The following PLCXD2 variants were observed in gnomAD, a reference collection of about 807,000 sequenced individuals.
The protein encoded by PLCXD2 is phosphatidylinositol specific phospholipase C X domain containing 2.
In PLCXD2, 21 loss-of-function variants were observed where a neutral mutation model predicts 28.6. The ratio of observed to expected loss-of-function variants is 0.73; its 90% CI spans 0.52 to 1.06. The LOEUF (loss-of-function observed/expected upper bound fraction) is 1.06. Among genes scored for constraint, PLCXD2 ranks in the 50% least tolerant of loss-of-function variants. PLCXD2 has a pLI of 0.00. For missense variants in PLCXD2, 369 were observed against 376.7 expected (o/e 0.98, Z 0.17); for synonymous variants, 140 against 150.1 (o/e 0.93, Z 0.49).
intron 1 of PLCXD2, among the ~76,000 whole-genome samples, chr3:111,682,442 T>C (rs1940731536): frequency 6.6e-6 from 1 of 152,228 alleles, no homozygotes; most frequent in African/African-American, 2.4e-5. Flanking sequence ...ACTCTAGAAC[T>C]GTCAGCTGTA....
intron 1 of PLCXD2, among the ~76,000 whole-genome samples, chr3:111,700,203 G>C (rs951846197): frequency 5.3e-5 from 8 of 152,162 alleles, no homozygotes; most frequent in African/African-American, 1.9e-4. Flanking sequence ...ATCTAAGGTT[G>C]AGGATCACCA....
At chr3:111,707,498 T>C (rs1339119968) in intron 1 of PLCXD2, among the ~76,000 whole-genome samples, 1 of 152,200 alleles carries the variant, frequency 6.6e-6, no homozygotes, top group Non-Finnish European at 1.5e-5. Context: ...ACTTAAGCAT[T>C]ATCTCCAGTT....
chr3:111,718,216 G>A (rs559370237), intron 3 of PLCXD2, among the ~76,000 whole-genome samples: 1 of 152,260 alleles, frequency 6.6e-6, no homozygotes, highest in South Asian at 2.1e-4. Flanking sequence ...TGTAATCCCA[G>A]TACTTTGGGA....
chr3:111,695,793 G>C (rs1940952736), intron 1 of PLCXD2, among the ~76,000 whole-genome samples: 1 of 152,234 alleles, frequency 6.6e-6, no homozygotes, highest in African/African-American at 2.4e-5. Context: ...TCCTGGGCTG[G>C]AAGGCCTGTG....
At chr3:111,724,460 T>G (rs1196436552) in intron 3 of PLCXD2, 1 of 152,196 alleles carries the variant, frequency 6.6e-6, no homozygotes, top group African/African-American at 2.4e-5. Flanking sequence ...TTGTTTCTTC[T>G]CAATAAGACA....
At chr3:111,716,344 C>T (rs1465790863) in intron 3 of PLCXD2, among the ~76,000 whole-genome samples, 1 of 152,076 alleles carries the variant, frequency 6.6e-6, no homozygotes, top group Non-Finnish European at 1.5e-5. Flanking sequence ...TGGTGGTCAG[C>T]TCAAACCAAG....
At chr3:111,691,666 A>G (rs1037103069) in intron 1 of PLCXD2, among the ~76,000 whole-genome samples, 2 of 152,240 alleles carry the variant, frequency 1.3e-5, no homozygotes, top group African/African-American at 4.8e-5. Context: ...TGACTTGTTT[A>G]ATCAATAAGG....
intron 3 of PLCXD2, chr3:111,725,488 C>T (rs995624511): frequency 1.1e-4 from 44 of 396,686 alleles, no homozygotes; most frequent in African/African-American, 1.0e-4. Flanking sequence ...CCCCAAGGGA[C>T]GCTCTCCGTA....
chr3:111,696,345 G>A (rs2107851432), intron 1 of PLCXD2, among the ~76,000 whole-genome samples: 1 of 152,170 alleles, frequency 6.6e-6, no homozygotes, highest in South Asian at 2.1e-4. Flanking sequence ...GTTTTTTTTG[G>A]TCTTTTGTGT....
At chr3:111,725,341 T>G (rs530758073) in intron 3 of PLCXD2, 3 of 309,520 alleles carry the variant, frequency 9.7e-6, no homozygotes, top group African/African-American at 6.4e-5. Flanking sequence ...CTCTGGCTGC[T>G]CCCTGGTGTT....
chr3:111,676,457 G>A (rs953260602), intron 1 of PLCXD2, among the ~76,000 whole-genome samples: 2 of 152,114 alleles, frequency 1.3e-5, no homozygotes, highest in African/African-American at 4.8e-5. Context: ...TGCTTTCTGT[G>A]CATGAGGAAG....
intron 1 of PLCXD2, among the ~76,000 whole-genome samples, chr3:111,682,097 G>A (rs999560485): frequency 6.6e-6 from 1 of 152,180 alleles, no homozygotes; most frequent in Admixed American, 6.5e-5. Flanking sequence ...TTAGGTGGAG[G>A]AGATCTGTGA....
At chr3:111,685,802 T>C (rs889633107) in intron 1 of PLCXD2, among the ~76,000 whole-genome samples, 1 of 152,196 alleles carries the variant, frequency 6.6e-6, no homozygotes, top group Non-Finnish European at 1.5e-5. Flanking sequence ...GTGAATGAAT[T>C]ATCTACAATG....
chr3:111,705,800 TG>T (rs1458772507), intron 1 of PLCXD2, among the ~76,000 whole-genome samples: 1 of 152,166 alleles, frequency 6.6e-6, no homozygotes, highest in Non-Finnish European at 1.5e-5. Context: ...ACTATTTATA[TG>T]GTTTTGTTGT....
chr3:111,702,170 G>A (rs570394655), intron 1 of PLCXD2, among the ~76,000 whole-genome samples: 32 of 152,066 alleles, frequency 2.1e-4, no homozygotes, highest in Non-Finnish European at 4.3e-4. Context: ...GGACAATAAA[G>A]ACGAGTCAAA....
Position 111,675,139 on chromosome 3 carries a change from AGACTGGCGT to A in PLCXD2, c.-105_-97del. ...CCCCAGCCAGAAAGGCATTTTGGAA[AGACTGGCGT>A]GGCAAGCGTCGCCCTGAAACGTCCA... On this transcript the variant is annotated 5_prime_UTR_variant, in exon 1 of 5. Coordinates refer to ENST00000477665, the MANE Select transcript of PLCXD2 (RefSeq NM_001185106.1). 2 of 1,364,028 alleles carry A rather than the reference AGACTGGCGT, an allele frequency of 1.5e-6. No individual in the cohort carries two copies. The highest frequency in any genetic ancestry group is 4.6e-5 in the East Asian group (2 of 43,066). The allele number at this position is 1,364,028 out of a possible 1,614,324, so 84.5% of individuals were successfully genotyped here.
intron 1 of PLCXD2, among the ~76,000 whole-genome samples, chr3:111,691,644 G>A (rs1940878173): frequency 6.6e-6 from 1 of 152,190 alleles, no homozygotes; most frequent in South Asian, 2.1e-4. Context: ...GAAAGTAAAT[G>A]AACAATGCAC....
At chr3:111,707,392 A>G (rs1368388988) in intron 1 of PLCXD2, among the ~76,000 whole-genome samples, 1 of 152,180 alleles carries the variant, frequency 6.6e-6, no homozygotes, top group Non-Finnish European at 1.5e-5. Flanking sequence ...CTTTCTCGGC[A>G]TTGTTGAGAT....
At chr3:111,700,570 T>C (rs1362507054) in intron 1 of PLCXD2, among the ~76,000 whole-genome samples, 1 of 152,078 alleles carries the variant, frequency 6.6e-6, no homozygotes, top group Admixed American at 6.6e-5. Context: ...CCTAAGATCA[T>C]ATTGCTTCTC....
Sources: allele counts gnomAD v4.1 joint callset (sites outside exome capture counted in the v4.1 genomes callset), GRCh38; gene constraint gnomAD v4.1.1; transcripts MANE v1.5; gene names NCBI Gene and HGNC (gene_info 2026-07-23, HGNC 2026-07-21).